Variants in COL25A1 observed in about 807,000 individuals in gnomAD.
COL25A1 encodes collagen type XXV alpha 1 chain.
A neutral mutation model predicts 128.4 loss-of-function variants in COL25A1; 103 were observed. The ratio of observed to expected loss-of-function variants is 0.80; its 90% CI spans 0.68 to 0.94. COL25A1 has a LOEUF of 0.94. COL25A1 is among the 40% of genes least tolerant of loss of function. The pLI is 0.00. For synonymous variants in COL25A1, 279 were observed against 277.2 expected (o/e 1.01, Z -0.06); for missense variants, 745 against 840.0 (o/e 0.89, Z 1.40).
At chr4:108,919,418 C>T (rs1379181280) in intron 12 of COL25A1, among the ~76,000 whole-genome samples, 1 of 152,138 alleles carries the variant, frequency 6.6e-6, no homozygotes, top group Admixed American at 6.5e-5. Context: ...ACAAAATGTT[C>T]CTATGCACAA....
At chr4:109,269,201 C>T (rs1276399157) in intron 3 of COL25A1, among the ~76,000 whole-genome samples, 8 of 151,206 alleles carry the variant, frequency 5.3e-5, no homozygotes, top group African/African-American at 1.5e-4. Flanking sequence ...TTTGTTCTTG[C>T]GATAGTTCAC....
rs1756847640 is a variant in COL25A1 at position 109,013,333 on chromosome 4, G to A, written c.421-2958C>T. Among the ~76,000 whole-genome samples, 3 of 64,172 alleles carry A rather than the reference G, an allele frequency of 4.7e-5. No homozygotes were observed. In the South Asian group the frequency reaches 1.4e-3, roughly 30 times the overall value. 42.1% of individuals were successfully genotyped at this position (64,172 alleles called of 152,430 possible). A position where few individuals can be genotyped will look rare whatever the true frequency, so the allele number is the denominator to read the frequency against. ...CAATCAGCACTCTGTTTCTAGCTCA[G>A]GGATTGTAAACGCACCAATCAGCAC... On this transcript the variant is annotated intron_variant, in intron 5 of 37. Coordinates refer to ENST00000399132, the MANE Select transcript of COL25A1 (RefSeq NM_198721.4).
At chr4:109,047,500 GAT>G (rs1482374437) in intron 5 of COL25A1, among the ~76,000 whole-genome samples, 1 of 152,046 alleles carries the variant, frequency 6.6e-6, no homozygotes, top group African/African-American at 2.4e-5. Context: ...GGGGGTGAGG[GAT>G]AAACGACCAC....
chr4:109,019,367 C>CATATATAT (rs1757498504), intron 5 of COL25A1, among the ~76,000 whole-genome samples: 1 of 110,640 alleles, frequency 9.0e-6, no homozygotes, highest in Non-Finnish European at 2.3e-5. Context: ...CACACACACA[C>CATATATAT]ACACACACAT....
At chr4:109,000,570 G>A (rs56237564) in intron 6 of COL25A1, among the ~76,000 whole-genome samples, 120,069 of 151,086 alleles carry the variant, frequency 0.79, 48,868 homozygotes, top group East Asian at 1. Context: ...ACATGGTGAA[G>A]CCCCATCTCT....
rs1021982305 is a variant in COL25A1 at position 109,288,962 on chromosome 4, T to TATATATACACAC, written c.367+11620_367+11621insGTGTGTATATAT. Reference sequence around the variant, plus strand: ...ACTACCAGGAATACTAAATTATATATACACACACACACACACACACACACA... The same window carrying TATATATACACAC: ...ACTACCAGGAATACTAAATTATATATATATATACACACACACACACACACACACACACACACA... On this transcript the variant is annotated intron_variant, in intron 3 of 37. Transcript: ENST00000399132. 1.5e-3 allele frequency among the ~76,000 whole-genome samples: 203 copies of TATATATACACAC among 133,598 alleles called. 2 individuals carry two copies. The highest frequency in any genetic ancestry group is 5.5e-3 in the African/African-American group (199 of 36,336). 87.6% of individuals were successfully genotyped at this position (133,598 alleles called of 152,430 possible).
chr4:109,121,542 T>C (rs1327116422), intron 3 of COL25A1, among the ~76,000 whole-genome samples: 1 of 152,042 alleles, frequency 6.6e-6, no homozygotes, highest in African/African-American at 2.4e-5. Context: ...GCATATGTCA[T>C]TAGGAATTGT....
intron 3 of COL25A1, among the ~76,000 whole-genome samples, chr4:109,101,694 C>T (rs1156875783): frequency 6.6e-6 from 1 of 152,080 alleles, no homozygotes; most frequent in Non-Finnish European, 1.5e-5. Context: ...TAATTTATTC[C>T]ATATGTTTAT....
At chr4:109,077,113 A>G (rs1401933978) in intron 3 of COL25A1, among the ~76,000 whole-genome samples, 3 of 152,222 alleles carry the variant, frequency 2.0e-5, no homozygotes, top group Non-Finnish European at 4.4e-5. Context: ...AGAAAAGCTA[A>G]TTGGCACAAC....
At chr4:109,064,342 T>C (rs1460745157) in intron 3 of COL25A1, among the ~76,000 whole-genome samples, 4 of 152,184 alleles carry the variant, frequency 2.6e-5, no homozygotes, top group Non-Finnish European at 5.9e-5. Flanking sequence ...TTGGAAAACA[T>C]TTGTTCTTGT....
Position 109,082,696 on chromosome 4 carries a change from C to T in COL25A1, c.368-32517G>A, listed in dbSNP as rs72885121. On this transcript the variant is annotated intron_variant, in intron 3 of 37. Coordinates refer to ENST00000399132, the MANE Select transcript of COL25A1 (RefSeq NM_198721.4). ...CTTTTTATATTCTAGATACGCATGC[C>T]TTGCGGGATATATGATTTGCAAATA... Among the ~76,000 whole-genome samples the T allele has an allele frequency of 2.0e-3, 298 of 152,124 alleles. 2 individuals are homozygous for T. The highest frequency in any genetic ancestry group is 7.0e-3 in the African/African-American group (289 of 41,500).
At chr4:108,912,526 A>G (rs1479622003) in intron 13 of COL25A1, among the ~76,000 whole-genome samples, 1 of 152,174 alleles carries the variant, frequency 6.6e-6, no homozygotes, top group African/African-American at 2.4e-5. Flanking sequence ...AACATACTGC[A>G]TAATAAATTA....
At chr4:109,015,341 A>G (rs1757118420) in intron 5 of COL25A1, among the ~76,000 whole-genome samples, 1 of 152,246 alleles carries the variant, frequency 6.6e-6, no homozygotes, top group South Asian at 2.1e-4. Flanking sequence ...AACTTTTTCT[A>G]AAGGACAACC....
chr4:109,025,151 T>A (rs1450398657), intron 5 of COL25A1, among the ~76,000 whole-genome samples: 2 of 152,222 alleles, frequency 1.3e-5, no homozygotes, highest in African/African-American at 4.8e-5. Flanking sequence ...CCAAGCCTTT[T>A]CACCAGCTGG....
chr4:109,099,027 C>T (rs1222811416), intron 3 of COL25A1, among the ~76,000 whole-genome samples: 1 of 152,184 alleles, frequency 6.6e-6, no homozygotes, highest in African/African-American at 2.4e-5. Context: ...CCATGTAAAG[C>T]ATTCAGGGCA....
chr4:109,145,469 C>G (rs1342410498), intron 3 of COL25A1, among the ~76,000 whole-genome samples: 1 of 152,198 alleles, frequency 6.6e-6, no homozygotes, highest in Non-Finnish European at 1.5e-5. Context: ...TTTCATTGAG[C>G]AAAACTAATT....
chr4:109,160,543 C>G (rs1772465975), intron 3 of COL25A1, among the ~76,000 whole-genome samples: 1 of 152,180 alleles, frequency 6.6e-6, no homozygotes, highest in Admixed American at 6.5e-5. Context: ...TAAGTTCGCC[C>G]TGCTTCAACC....
intron 19 of COL25A1, among the ~76,000 whole-genome samples, chr4:108,883,270 C>T (rs760516520): frequency 7.9e-5 from 12 of 151,988 alleles, no homozygotes; most frequent in South Asian, 4.1e-4. Context: ...CCAAATAATC[C>T]GCCCGCTTCA....
Position 108,808,773 on chromosome 4 carries a change from T to G in COL25A1, c.*5154A>C, listed in dbSNP as rs189633769. The G allele has an allele frequency of 1.2e-4, 19 of 152,318 alleles. No individual in the cohort carries two copies. The highest frequency in any genetic ancestry group is 3.4e-3 in the Middle Eastern group (1 of 294). 9.4% of individuals were successfully genotyped at this position (152,318 alleles called of 1,614,324 possible). ...TTATAACAATACAATTCATTATCAT[T>G]GTTTGGATTAATATTGTAATAATTA... On this transcript the variant is annotated 3_prime_UTR_variant, in exon 38 of 38. Transcript: ENST00000399132.
Sources: allele counts gnomAD v4.1 joint callset (sites outside exome capture counted in the v4.1 genomes callset), GRCh38; gene constraint gnomAD v4.1.1; transcripts MANE v1.5; gene names NCBI Gene and HGNC (gene_info 2026-07-23, HGNC 2026-07-21).